TEKTL1: variants seen among roughly 807,000 people sequenced by gnomAD.
TEKTL1 encodes tektin-like protein 1.
At chr19:15,021,529 T>A in the TEKTL1 span, 7 of 1,613,664 alleles carry the variant, frequency 4.3e-6, no homozygotes, top group Non-Finnish European at 5.1e-6. Context: ...GGTGAGCGCA[T>A]TACCTGCGGC....
At chr19:15,010,910 G>C in the TEKTL1 span, 1 of 1,572,966 alleles carries the variant, frequency 6.4e-7, no homozygotes, top group Non-Finnish European at 8.6e-7. Flanking sequence ...TCAGGCCATG[G>C]CGAGGACCGC....
At chr19:15,020,712 T>C in the TEKTL1 span, 1 of 1,489,052 alleles carries the variant, frequency 6.7e-7, no homozygotes, top group Non-Finnish European at 9.2e-7. Context: ...TCCCCTTGAC[T>C]GTCAGTGCAG....
chr19:15,022,979 C>T, the TEKTL1 span: 4 of 1,613,422 alleles, frequency 2.5e-6, no homozygotes, highest in South Asian at 3.3e-5. Flanking sequence ...GAACATCGGG[C>T]ATGAGGTGGA....
At chr19:15,010,846 G>A in the TEKTL1 span, 1 of 1,544,850 alleles carries the variant, frequency 6.5e-7, no homozygotes, top group Non-Finnish European at 8.7e-7. Flanking sequence ...TGGTACCCCC[G>A]GCTGAGCGCA....
chr19:15,013,644 T>A, the TEKTL1 span: 464 of 1,499,634 alleles, frequency 3.1e-4, 2 homozygotes, highest in Non-Finnish European at 3.9e-4. Context: ...TTCTTAACGA[T>A]GTGAGGGATT....
At chr19:15,017,698 C>A in the TEKTL1 span, among the ~76,000 whole-genome samples, 2 of 152,130 alleles carry the variant, frequency 1.3e-5, no homozygotes, top group Non-Finnish European at 2.9e-5. Context: ...ATGCATGAGA[C>A]AGGCTCTTTT....
chr19:15,011,751 AAT>A, the TEKTL1 span, among the ~76,000 whole-genome samples: 13 of 144,054 alleles, frequency 9.0e-5, no homozygotes, highest in African/African-American at 2.3e-4. Flanking sequence ...AAAAAAAAAA[AAT>A]ATTTCCATAG....
chr19:15,012,019 G>T, the TEKTL1 span, among the ~76,000 whole-genome samples: 1 of 152,028 alleles, frequency 6.6e-6, no homozygotes, highest in Non-Finnish European at 1.5e-5. Flanking sequence ...ATTTTGGGAT[G>T]CCGATGCGGG....
the TEKTL1 span, chr19:15,021,835 C>T: frequency 1.1e-5 from 17 of 1,613,922 alleles, no homozygotes; most frequent in South Asian, 9.9e-5. Flanking sequence ...ACCTGGAGAC[C>T]GCAGAAAAGC....
At chr19:15,023,218 C>G in the TEKTL1 span, 1 of 1,088,672 alleles carries the variant, frequency 9.2e-7, no homozygotes, top group Non-Finnish European at 1.3e-6. Context: ...CCTGACGCAC[C>G]CTCCCTCCAA....
the TEKTL1 span, among the ~76,000 whole-genome samples, chr19:15,014,651 T>G: frequency 7.6e-6 from 1 of 132,396 alleles, no homozygotes; most frequent in Non-Finnish European, 1.6e-5. Flanking sequence ...TTGTGTTGAC[T>G]GGGGAGTGGG....
At chr19:15,014,738 C>CGGGGG in the TEKTL1 span, among the ~76,000 whole-genome samples, 47 of 29,812 alleles carry the variant, frequency 1.6e-3, no homozygotes, top group African/African-American at 6.1e-3. Context: ...GGGCGGGGGG[C>CGGGGG]GGGGGCTGCT....
chr19:15,011,160 C>G, the TEKTL1 span: 3 of 1,511,936 alleles, frequency 2.0e-6, no homozygotes, highest in Non-Finnish European at 2.6e-6. Context: ...CTGCCGCTAC[C>G]CTTGCACCGC....
the TEKTL1 span, among the ~76,000 whole-genome samples, chr19:15,019,174 C>T: frequency 0.25 from 37,882 of 151,984 alleles, 5,679 homozygotes; most frequent in East Asian, 0.55. Flanking sequence ...GTCTTGAACT[C>T]CTAGGCTCAA....
the TEKTL1 span, among the ~76,000 whole-genome samples, chr19:15,017,802 C>G: frequency 5.3e-3 from 811 of 152,268 alleles, 9 homozygotes; most frequent in South Asian, 0.038. Flanking sequence ...CCCCTCACCC[C>G]ACCCCCAAAG....
the TEKTL1 span, among the ~76,000 whole-genome samples, chr19:15,016,368 T>G: frequency 6.6e-6 from 1 of 151,900 alleles, no homozygotes; most frequent in Non-Finnish European, 1.5e-5. Flanking sequence ...TTTTGTATTT[T>G]TAGTAGAGAC....
At chr19:15,016,127 G>A in the TEKTL1 span, among the ~76,000 whole-genome samples, 2 of 151,828 alleles carry the variant, frequency 1.3e-5, no homozygotes, top group Non-Finnish European at 2.9e-5. Context: ...GTGTGGACGA[G>A]GTAGGAGACT....
At chr19:15,021,910 C>T in the TEKTL1 span, 2 of 1,613,466 alleles carry the variant, frequency 1.2e-6, no homozygotes, top group South Asian at 1.1e-5. Context: ...AGGCTGCGCG[C>T]CTCGCACAGG....
At chr19:15,018,712 C>CAAAA in the TEKTL1 span, among the ~76,000 whole-genome samples, 1 of 34,906 alleles carries the variant, frequency 2.9e-5, no homozygotes, top group African/African-American at 8.6e-5. Flanking sequence ...GACCCTATCT[C>CAAAA]AAAATATGTA....
Sources: allele counts gnomAD v4.1 joint callset (sites outside exome capture counted in the v4.1 genomes callset), GRCh38; gene constraint gnomAD v4.1.1; transcripts MANE v1.5; gene names NCBI Gene and HGNC (gene_info 2026-07-23, HGNC 2026-07-21).